JAK1: variants seen among roughly 807,000 people sequenced by gnomAD.
The protein encoded by JAK1 is Janus kinase 1.
A neutral mutation model predicts 136.6 loss-of-function variants in JAK1; 16 were observed. The observed-to-expected ratio is 0.12, with a 90% CI of 0.08 to 0.18. The LOEUF (loss-of-function observed/expected upper bound fraction) is 0.18. JAK1 is among the 10% of genes least tolerant of loss of function. The probability of loss-of-function intolerance (pLI) is 1.00; values close to 1 mark genes in which losing one functional copy is unlikely to be tolerated. For missense variants in JAK1, 859 were observed against 1,450.1 expected (o/e 0.59, Z 6.62); for synonymous variants, 492 against 519.5 (o/e 0.95, Z 0.72).
chr1:64,973,634 A>G (rs569327842), intron 2 of JAK1: 1 of 151,558 alleles, frequency 6.6e-6, no homozygotes, highest in Admixed American at 6.6e-5. Context: ...AAAAAAAAAA[A>G]AAAAAAAGGA....
chr1:64,841,053 G>A (rs759767533), intron 19 of JAK1, among the ~76,000 whole-genome samples, 192 bp downstream of exon 19: 2 of 152,138 alleles, frequency 1.3e-5, no homozygotes, highest in Non-Finnish European at 2.9e-5. Context: ...CATTCCGTCC[G>A]TGCCGTGTGT....
At chr1:64,888,791 G>A (rs911398605) in intron 1 of JAK1, among the ~76,000 whole-genome samples, 4 of 152,186 alleles carry the variant, frequency 2.6e-5, no homozygotes, top group South Asian at 4.1e-4. Context: ...TAAACTCTTC[G>A]AGAAAACAAG....
chr1:64,864,131 T>C (rs1656544121), intron 8 of JAK1, among the ~76,000 whole-genome samples: 1 of 152,230 alleles, frequency 6.6e-6, no homozygotes, highest in South Asian at 2.1e-4. Flanking sequence ...TGGCAGAATG[T>C]GGCCTTTCCT....
chr1:65,063,361 T>C (rs1190425284), intron 1 of JAK1, among the ~76,000 whole-genome samples: 2 of 152,310 alleles, frequency 1.3e-5, no homozygotes, highest in South Asian at 2.1e-4. Context: ...TGCTAGCCGT[T>C]CTAGAACCCT....
chr1:64,931,918 A>G lies in JAK1; in HGVS notation c.-78+34415T>C, dbSNP rs1468281904. On this transcript the variant is annotated intron_variant, in intron 1 of 24. Coordinates refer to ENST00000342505, the MANE Select transcript of JAK1 (RefSeq NM_002227.4). ...AACAGCAAAAAACTGCAAGAAACCTAAATGTATTTTTTAAATGGATTTTGG... is the reference window on the plus strand; with the variant it reads ...AACAGCAAAAAACTGCAAGAAACCTGAATGTATTTTTTAAATGGATTTTGG... Among the ~76,000 whole-genome samples, 12 of 152,000 alleles carry G rather than the reference A, an allele frequency of 7.9e-5. No individual in the cohort carries two copies. The South Asian group carries it at 1.0e-3, about 13-fold the overall frequency.
chr1:64,843,478 C>T (rs192961491), intron 17 of JAK1, among the ~76,000 whole-genome samples: 12 of 152,296 alleles, frequency 7.9e-5, no homozygotes, highest in African/African-American at 2.6e-4. Context: ...AGTGGGGCTA[C>T]CTGAGTCTCA....
intron 20 of JAK1, among the ~76,000 whole-genome samples, chr1:64,839,100 T>A (rs568459142): frequency 1.5e-5 from 2 of 135,954 alleles, no homozygotes; most frequent in South Asian, 2.3e-4. Context: ...GAGCCGAGAT[T>A]GCGCCACTGC....
intron 7 of JAK1, among the ~76,000 whole-genome samples, 160 bp downstream of exon 7, chr1:64,866,706 G>A (rs1436895409): frequency 6.6e-6 from 1 of 152,122 alleles, no homozygotes; most frequent in African/African-American, 2.4e-5. Flanking sequence ...TAGACCTTGT[G>A]CTACAGGGAT....
At chr1:64,876,731 A>T (rs1165139966) in intron 4 of JAK1, among the ~76,000 whole-genome samples, 1 of 152,208 alleles carries the variant, frequency 6.6e-6, no homozygotes, top group Non-Finnish European at 1.5e-5. Flanking sequence ...AAAAAAAATT[A>T]AAAATGACAT....
intron 2 of JAK1, among the ~76,000 whole-genome samples, chr1:65,035,583 C>T (rs1259539560): frequency 6.6e-6 from 1 of 152,128 alleles, no homozygotes; most frequent in Non-Finnish European, 1.5e-5. Flanking sequence ...CAAGTCCTTC[C>T]TTGAGACGTC....
chr1:64,935,444 C>T (rs919945795), intron 1 of JAK1, among the ~76,000 whole-genome samples: 26 of 152,144 alleles, frequency 1.7e-4, no homozygotes, highest in Non-Finnish European at 2.9e-4. Context: ...GGATTACAGG[C>T]GTGTGCCACC....
intron 1 of JAK1, among the ~76,000 whole-genome samples, chr1:64,960,873 C>G (rs1001732778): frequency 6.6e-6 from 1 of 152,208 alleles, no homozygotes; most frequent in Non-Finnish European, 1.5e-5. Context: ...GCTTGATGAT[C>G]ATTACCAATA....
rs145814467 is a variant in JAK1, at chr1:64,865,095, T to C, written c.991-123A>G. ...CCAAGGAAGAGAAAGCCAGCTCTTC[T>C]GGACTTGCAGGATTGGGGGAGTTGG... is the stretch of plus-strand genomic sequence containing the variant. On this transcript the variant is annotated intron_variant, in intron 7 of 24. Transcript: ENST00000342505. 1,106 of 729,190 alleles carry C rather than the reference T, an allele frequency of 1.5e-3. 8 individuals are homozygous for C. Among genetic ancestry groups the C allele is most frequent in the Middle Eastern group, 0.013 (34 of 2,528 alleles). The allele number at this position is 729,190 out of a possible 1,614,324, so 45.2% of individuals were successfully genotyped here.
At chr1:64,868,025 A>AGAGT (rs1553162548) in intron 6 of JAK1, among the ~76,000 whole-genome samples, 2 of 151,938 alleles carry the variant, frequency 1.3e-5, no homozygotes, top group African/African-American at 4.8e-5. Flanking sequence ...AGAGAGAGAG[A>AGAGT]GAGTGAGAGA....
chr1:64,907,039 T>C (rs1319295136), intron 1 of JAK1, among the ~76,000 whole-genome samples: 1 of 151,116 alleles, frequency 6.6e-6, no homozygotes, highest in East Asian at 1.9e-4. Flanking sequence ...GGATCCAAAG[T>C]ACAGTAAACT....
chr1:64,913,799 C>T (rs573799057), intron 1 of JAK1, among the ~76,000 whole-genome samples: 20 of 151,744 alleles, frequency 1.3e-4, no homozygotes, highest in Admixed American at 3.9e-4. Context: ...GTGGATCAGA[C>T]GAGGTTTCAC....
chr1:64,838,198 A>G, intron 21 of JAK1, 94 bp from the exon 22 acceptor site: 1 of 1,287,130 alleles, frequency 7.8e-7, no homozygotes, highest in Non-Finnish European at 1.1e-6. Flanking sequence ...ATGTCATTTC[A>G]TTCACATATC....
chr1:65,060,850 C>T (rs114374310), intron 1 of JAK1, among the ~76,000 whole-genome samples: 2,301 of 152,160 alleles, frequency 0.015, 46 homozygotes, highest in African/African-American at 0.053. Flanking sequence ...ATTTCTTCTT[C>T]AACATGTTTC....
At chr1:64,888,700 T>A (rs1644889060) in intron 1 of JAK1, among the ~76,000 whole-genome samples, 1 of 152,234 alleles carries the variant, frequency 6.6e-6, no homozygotes, top group African/African-American at 2.4e-5. Flanking sequence ...AATCACATTA[T>A]ACCTAATCTT....
Sources: allele counts gnomAD v4.1 joint callset (sites outside exome capture counted in the v4.1 genomes callset), GRCh38; gene constraint gnomAD v4.1.1; transcripts MANE v1.5; gene names NCBI Gene and HGNC (gene_info 2026-07-23, HGNC 2026-07-21).